ARPP21: variants seen among roughly 807,000 people sequenced by gnomAD.
ARPP21 encodes the protein cAMP-regulated phosphoprotein 21.
A neutral mutation model predicts 113.2 loss-of-function variants in ARPP21; 69 were observed. The observed-to-expected ratio is 0.61, with a 90% CI of 0.50 to 0.74. ARPP21 has a LOEUF of 0.74. Ranked by LOEUF, ARPP21 falls within the 30% of genes least tolerant of loss-of-function variation. ARPP21 has a pLI of 0.00. For synonymous variants in ARPP21, 368 were observed against 375.5 expected (o/e 0.98, Z 0.23); for missense variants, 1,070 against 1,037.4 (o/e 1.03, Z -0.43).
rs148730610 is a variant in ARPP21 at position 35,705,477 on chromosome 3, G to A, written c.687-1497G>A. 9.9e-5 allele frequency among the ~76,000 whole-genome samples: 15 copies of A among 152,228 alleles called. No individual in the cohort carries two copies. In the East Asian group the frequency reaches 2.9e-3, roughly 29 times the overall value. On this transcript the variant is annotated intron_variant, in intron 9 of 20. Coordinates refer to ENST00000684406, the MANE Select transcript of ARPP21 (RefSeq NM_001385562.1). Reference sequence around the variant, plus strand: ...AGGTTTTTGGTTACATTTTAAGTTTGGTGGAAAACATTTACATTGAAAAGT... The same window carrying A: ...AGGTTTTTGGTTACATTTTAAGTTTAGTGGAAAACATTTACATTGAAAAGT...
intron 20 of ARPP21, among the ~76,000 whole-genome samples, chr3:35,792,951 T>G (rs2096775475): frequency 6.6e-6 from 1 of 152,244 alleles, no homozygotes; most frequent in African/African-American, 2.4e-5. Context: ...CATCTCAGAT[T>G]CATTTAAAGG....
rs200929215 is a variant in ARPP21 at position 35,696,539 on chromosome 3, TTTAG to T, written c.686+5541_686+5544del. On this transcript the variant is annotated intron_variant, in intron 9 of 20. Transcript: ENST00000684406. ...GCCCTCCACGTTGTGTTCCTTCATCTTTAGTTAGTTCCTGTCTTCTATCCCATTG... is the reference window on the plus strand; with the variant it reads ...GCCCTCCACGTTGTGTTCCTTCATCTTTAGTTCCTGTCTTCTATCCCATTG... Among the ~76,000 whole-genome samples the T allele has an allele frequency of 2.7e-3, 414 of 151,682 alleles. 8 individuals are homozygous for T. Among genetic ancestry groups the T allele is most frequent in the Admixed American group, 0.02 (305 of 15,174 alleles).
In ARPP21 at chr3:35,699,564, C is replaced by T. The variant is rs114423759; in HGVS notation, c.687-7410C>T. On this transcript the variant is annotated intron_variant, in intron 9 of 20. Coordinates refer to ENST00000684406, the MANE Select transcript of ARPP21 (RefSeq NM_001385562.1). ...CCACAACCTGACTTCTTTCAATGTA[C>T]AGCCCTTCAGGTACCACAGTGTTCT... Among the ~76,000 whole-genome samples, 675 of 151,872 alleles carry T rather than the reference C, an allele frequency of 4.4e-3. 6 individuals carry two copies. The highest frequency in any genetic ancestry group is 0.015 in the African/African-American group (624 of 41,504).
intron 9 of ARPP21, among the ~76,000 whole-genome samples, chr3:35,691,725 T>A (rs2082295614): frequency 6.6e-6 from 1 of 151,656 alleles, no homozygotes; most frequent in South Asian, 2.1e-4. Context: ...AGCTTGGAGC[T>A]GTTTTTCTTG....
chr3:35,696,523 G>A (rs1344386091), intron 9 of ARPP21, among the ~76,000 whole-genome samples: 2 of 151,432 alleles, frequency 1.3e-5, no homozygotes, highest in Non-Finnish European at 3.0e-5. Flanking sequence ...AGCCCTCCAC[G>A]TTGTGTTCCT....
intron 6 of ARPP21, 79 bp downstream of exon 6, chr3:35,687,962 C>A: frequency 1.1e-5 from 15 of 1,316,518 alleles, no homozygotes; most frequent in Middle Eastern, 2.8e-4. Flanking sequence ...ATTTCACATG[C>A]ATATTCACCT....
intron 19 of ARPP21, among the ~76,000 whole-genome samples, chr3:35,766,418 A>G (rs2095980425): frequency 6.6e-6 from 1 of 152,208 alleles, no homozygotes; most frequent in Admixed American, 6.6e-5. Context: ...GAGAAGAAGC[A>G]CTAACACAGA....
intron 19 of ARPP21, among the ~76,000 whole-genome samples, chr3:35,762,126 TCACACA>T (rs371775285): frequency 3.1e-5 from 4 of 127,034 alleles, no homozygotes; most frequent in East Asian, 4.7e-4. Flanking sequence ...TCTCTCTCTC[TCACACA>T]CACACACACA....
At chr3:35,664,431 G>A (rs542446093) in intron 1 of ARPP21, among the ~76,000 whole-genome samples, 2 of 152,180 alleles carry the variant, frequency 1.3e-5, no homozygotes, top group East Asian at 3.9e-4. Flanking sequence ...CTGTTGACCA[G>A]ACTCTCTCCA....
intron 9 of ARPP21, among the ~76,000 whole-genome samples, chr3:35,697,221 C>T (rs2084398288): frequency 6.6e-6 from 1 of 151,554 alleles, no homozygotes. Flanking sequence ...CTCAAATCCC[C>T]TGCTCTGACA....
intron 1 of ARPP21, chr3:35,641,728 A>T (rs968843184): frequency 6.6e-6 from 1 of 152,102 alleles, no homozygotes; most frequent in Non-Finnish European, 1.5e-5. Flanking sequence ...TTGATCCTAT[A>T]TTTCCTTTGT....
In ARPP21 at chr3:35,715,177, CTCT is replaced by C. The variant is rs2092182523; in HGVS notation, c.898-255_898-253del. ...TTCTCCAGCTGTTTCATTCACATTT[CTCT>C]TCTTCTGACCTCCATGCCGAACAGA... On this transcript the variant is annotated intron_variant, in intron 11 of 20. Coordinates refer to ENST00000684406, the MANE Select transcript of ARPP21 (RefSeq NM_001385562.1). 3 of 344,848 alleles carry C rather than the reference CTCT, an allele frequency of 8.7e-6. No individual in the cohort carries two copies. The South Asian group carries it at 1.4e-4, about 17-fold the overall frequency. The allele number at this position is 344,848 out of a possible 1,614,324, so 21.4% of individuals were successfully genotyped here.
Position 35,721,604 on chromosome 3 carries a change from G to C in ARPP21, c.996-1G>C. The stretch of plus-strand genomic sequence containing the variant: ...GCATCTTTCTGGTGGTCGTACTCCA[G>C]GGGCAACAGAGATGGCTCAGGGAGA... On this transcript the variant is annotated splice_acceptor_variant, in intron 13 of 20. Coordinates refer to ENST00000684406, the MANE Select transcript of ARPP21 (RefSeq NM_001385562.1). LOFTEE classifies it high-confidence loss of function. The C allele has an allele frequency of 6.3e-7, 1 of 1,584,892 alleles. No individual in the cohort carries two copies. Among genetic ancestry groups the C allele is most frequent in the Non-Finnish European group, 8.7e-7 (1 of 1,153,798 alleles).
intron 9 of ARPP21, among the ~76,000 whole-genome samples, chr3:35,705,397 A>C (rs1370667055): frequency 6.6e-6 from 1 of 152,210 alleles, no homozygotes; most frequent in Non-Finnish European, 1.5e-5. Context: ...TTCATTGTAA[A>C]GTACAGGTTT....
At chr3:35,744,987 C>T (rs2094930632) in intron 19 of ARPP21, among the ~76,000 whole-genome samples, 3 of 152,132 alleles carry the variant, frequency 2.0e-5, no homozygotes, top group Admixed American at 1.3e-4. Context: ...TTAAATTCCC[C>T]CGTATTGTGG....
At chr3:35,709,545 A>C (rs2090368439) in intron 11 of ARPP21, among the ~76,000 whole-genome samples, 1 of 152,192 alleles carries the variant, frequency 6.6e-6, no homozygotes. Flanking sequence ...CATTATACTA[A>C]ATTTAGATTA....
At chr3:35,782,975 T>A (rs1304385425) in intron 19 of ARPP21, among the ~76,000 whole-genome samples, 1 of 152,092 alleles carries the variant, frequency 6.6e-6, no homozygotes, top group African/African-American at 2.4e-5. Context: ...TTGTTTGTTT[T>A]TTTAACCTAG....
chr3:35,733,562 G>A (rs187372727), intron 15 of ARPP21, among the ~76,000 whole-genome samples: 23 of 152,234 alleles, frequency 1.5e-4, no homozygotes, highest in Admixed American at 1.4e-3. Context: ...TTTAGTCTTC[G>A]GCAGCTGTCA....
chr3:35,667,661 T>C (rs1000440161), intron 1 of ARPP21, among the ~76,000 whole-genome samples: 2 of 151,962 alleles, frequency 1.3e-5, no homozygotes, highest in African/African-American at 4.8e-5. Context: ...GAGAAAAAGA[T>C]ATGTAAGAGT....
Sources: gnomAD v4.1 joint callset for allele counts (sites outside exome capture counted in the v4.1 genomes callset) on GRCh38, gnomAD v4.1.1 for gene constraint, MANE v1.5 for transcripts, NCBI Gene and HGNC (gene_info 2026-07-23, HGNC 2026-07-21) for gene names.